BRWD3: variants seen among roughly 807,000 people sequenced by gnomAD.
BRWD3 encodes the protein bromodomain and WD repeat-containing protein 3.
BRWD3 carries 10 observed loss-of-function variants against 149.7 expected under a neutral mutation model. The observed-to-expected ratio is 0.07, with a 90% CI of 0.04 to 0.11. The LOEUF is 0.11. Among genes scored for constraint, BRWD3 ranks in the 10% least tolerant of loss-of-function variants. The pLI is 1.00. For synonymous variants in BRWD3, 504 were observed against 456.7 expected, an observed-to-expected ratio of 1.10 and a Z score of -1.32; for missense variants, 940 against 1,373.2, an observed-to-expected ratio of 0.68 and a Z score of 4.99.
chrX:80,746,377 T>A (rs2073593414), intron 6 of BRWD3, among the ~76,000 whole-genome samples: 1 of 111,060 alleles, frequency 9.0e-6, no homozygotes, highest in African/African-American at 3.3e-5. Flanking sequence ...GAAGTCATTT[T>A]AAGTCCTATC....
At chrX:80,684,212 A>C in intron 36 of BRWD3, 50 bp from the exon 37 acceptor site, 1 of 1,084,576 alleles carries the variant, frequency 9.2e-7, no homozygotes, top group Non-Finnish European at 1.3e-6. Context: ...ATTAAGGAAT[A>C]CAATGGGACT....
chrX:80,796,477 G>A (rs1017156812), intron 4 of BRWD3, among the ~76,000 whole-genome samples: 5 of 111,700 alleles, frequency 4.5e-5, no homozygotes, highest in African/African-American at 1.3e-4. Flanking sequence ...TCAAATTCTC[G>A]TATCAGGATG....
At chrX:80,779,438 T>G (rs903602337) in intron 6 of BRWD3, among the ~76,000 whole-genome samples, 2 of 110,771 alleles carry the variant, frequency 1.8e-5, no homozygotes, top group Non-Finnish European at 3.8e-5. Flanking sequence ...CCAAAAACAC[T>G]GGAAAGTGGC....
chrX:80,725,387 A>C (rs1057357276), intron 14 of BRWD3, among the ~76,000 whole-genome samples: 2 of 112,051 alleles, frequency 1.8e-5, no homozygotes, highest in African/African-American at 6.5e-5. Context: ...AGAATATGAC[A>C]AACAGAATCT....
intron 6 of BRWD3, among the ~76,000 whole-genome samples, chrX:80,782,928 A>T (rs1443927298): frequency 9.1e-6 from 1 of 109,972 alleles, no homozygotes; most frequent in East Asian, 2.8e-4. Context: ...AATAACCAGA[A>T]TGTAAAAGGA....
intron 36 of BRWD3, 131 bp from the exon 37 acceptor site, chrX:80,684,293 C>A: frequency 1.8e-6 from 1 of 561,516 alleles, no homozygotes. Context: ...AACTACCTCC[C>A]CACAACCCCA....
At chrX:80,718,211 A>G (rs2073099569) in intron 18 of BRWD3, among the ~76,000 whole-genome samples, 2 of 111,955 alleles carry the variant, frequency 1.8e-5, no homozygotes, top group South Asian at 7.3e-4. Context: ...ATTTTTTTAA[A>G]TCAAAATTTC....
intron 14 of BRWD3, among the ~76,000 whole-genome samples, chrX:80,727,395 C>G (rs1163757241): frequency 9.0e-6 from 1 of 111,173 alleles, no homozygotes; most frequent in Non-Finnish European, 1.9e-5. Context: ...CCCCTGTCCA[C>G]TTTTCCAATT....
At chrX:80,793,845 A>C (rs971656607) in intron 4 of BRWD3, 73 bp from the exon 5 acceptor site, 28 of 986,918 alleles carry the variant, frequency 2.8e-5, no homozygotes, top group Non-Finnish European at 4.2e-6. Flanking sequence ...TTCCACTACT[A>C]AATTGTTCCA....
chrX:80,758,038 A>G (rs1379603002), intron 6 of BRWD3, among the ~76,000 whole-genome samples: 2 of 111,223 alleles, frequency 1.8e-5, no homozygotes, highest in Non-Finnish European at 3.8e-5. Context: ...CGTCTCTACT[A>G]AAAATACAAA....
At chrX:80,683,151 T>C (rs1458230323) in intron 37 of BRWD3, among the ~76,000 whole-genome samples, 1 of 111,517 alleles carries the variant, frequency 9.0e-6, no homozygotes, top group Admixed American at 9.6e-5. Flanking sequence ...AACCTTGTTT[T>C]CAAAGAGTCA....
chrX:80,704,587 G>C, intron 23 of BRWD3, 91 bp downstream of exon 23: 1 of 844,550 alleles, frequency 1.2e-6, no homozygotes, highest in South Asian at 2.4e-5. Context: ...GTTATTTTTA[G>C]AGAAAAGTCA....
At position 80,672,591 on chromosome X, in the gene BRWD3, A is replaced by G. The variant is rs2072332152; in HGVS notation, c.*4018T>C. 8.9e-6 allele frequency: 1 copy of G among 112,365 alleles called. No homozygotes were observed. The highest frequency in any genetic ancestry group is 3.2e-5 in the African/African-American group (1 of 30,947). 9.3% of individuals were successfully genotyped at this position (112,365 alleles called of 1,213,427 possible). On this transcript the variant is annotated 3_prime_UTR_variant, in exon 41 of 41. Coordinates refer to ENST00000373275, the MANE Select transcript of BRWD3 (RefSeq NM_153252.5). ...GAAGCTTTGCTAAAAGATGAGAAAC[A>G]AAAAAGCATGAAAATACTTTCACAC...
At chrX:80,720,940 C>T (rs2073142418) in intron 17 of BRWD3, among the ~76,000 whole-genome samples, 1 of 111,974 alleles carries the variant, frequency 8.9e-6, no homozygotes, top group African/African-American at 3.2e-5. Flanking sequence ...AGGTTTGCTG[C>T]CTAAGAACAA....
In BRWD3 at chrX:80,670,042, G is replaced by A. The variant is rs1213047514; in HGVS notation, c.*6567C>T. Reference sequence around the variant, plus strand: ...TTATAAGATTTTATAATTATAATTAGATGTTTATAATCTGTAGATAAGAAC... The same window carrying A: ...TTATAAGATTTTATAATTATAATTAAATGTTTATAATCTGTAGATAAGAAC... On this transcript the variant is annotated 3_prime_UTR_variant, in exon 41 of 41. Transcript: ENST00000373275. 9.0e-6 allele frequency among the ~76,000 whole-genome samples: 1 copy of A among 110,807 alleles called. No individual in the cohort carries two copies. The highest frequency in any genetic ancestry group is 1.9e-5 in the Non-Finnish European group (1 of 52,938).
At chrX:80,802,228 G>T (rs2074305051) in intron 4 of BRWD3, among the ~76,000 whole-genome samples, 1 of 110,330 alleles carries the variant, frequency 9.1e-6, no homozygotes, top group African/African-American at 3.3e-5. Flanking sequence ...ATCACTGGAG[G>T]TCAGGAGTTC....
intron 27 of BRWD3, 145 bp downstream of exon 27, chrX:80,695,763 A>G: frequency 8.2e-6 from 4 of 486,900 alleles, no homozygotes; most frequent in Non-Finnish European, 1.4e-5. Context: ...AATAACTAAA[A>G]GGAAATTTTA....
rs768122271 is a variant in BRWD3, at chrX:80,691,223, C to T, written c.3482-50G>A. The T allele has an allele frequency of 5.2e-6, 6 of 1,144,104 alleles. No homozygotes were observed. In the Admixed American group the frequency reaches 1.4e-4, roughly 26 times the overall value. The allele number at this position is 1,144,104 out of a possible 1,213,427, so 94.3% of individuals were successfully genotyped here. Reference sequence around the variant, plus strand: ...AGGTAGCTATAAAGGACATTAACATCTCATGGTAACAAACATTTATTCATA... The same window carrying T: ...AGGTAGCTATAAAGGACATTAACATTTCATGGTAACAAACATTTATTCATA... On this transcript the variant is annotated intron_variant, in intron 30 of 40. Coordinates refer to ENST00000373275, the MANE Select transcript of BRWD3 (RefSeq NM_153252.5).
At chrX:80,742,440 A>C (rs1208695966) in intron 8 of BRWD3, among the ~76,000 whole-genome samples, 5 of 101,879 alleles carry the variant, frequency 4.9e-5, no homozygotes, top group Non-Finnish European at 9.8e-5. Context: ...GAAGAAAGTT[A>C]TTGGTAGCTT....
Sources: allele counts gnomAD v4.1 joint callset (sites outside exome capture counted in the v4.1 genomes callset), GRCh38; gene constraint gnomAD v4.1.1; transcripts MANE v1.5; gene names NCBI Gene and HGNC (gene_info 2026-07-23, HGNC 2026-07-21).